Variants in ATXN7L3 observed in about 807,000 individuals in gnomAD.
The protein encoded by ATXN7L3 is ataxin-7-like protein 3.
Under a neutral mutation model 50.0 loss-of-function variants are expected in ATXN7L3, and 6 were observed. The ratio of observed to expected loss-of-function variants is 0.12; its 90% CI spans 0.07 to 0.24. The LOEUF (loss-of-function observed/expected upper bound fraction) is 0.24. Ranked by LOEUF, ATXN7L3 falls within the 10% of genes least tolerant of loss-of-function variation. The pLI, the probability that ATXN7L3 is intolerant of heterozygous loss-of-function variation, is 1.00. For synonymous variants in ATXN7L3, 198 were observed against 165.8 expected (o/e 1.19, Z -1.49); for missense variants, 322 against 451.3 (o/e 0.71, Z 2.60).
chr17:44,195,684 T>C, intron 8 of ATXN7L3, 116 bp downstream of exon 8: 1 of 1,269,522 alleles, frequency 7.9e-7, no homozygotes, highest in South Asian at 1.2e-5. Flanking sequence ...ATATGTAAGA[T>C]CCAAATAGCT....
In ATXN7L3 at chr17:44,194,115, G is replaced by A. The variant is rs1377501539; in HGVS notation, c.*148C>T. ...GCAGAGGACTTTGACACCCCCCAGG[G>A]GCGCATAATCGGATCCTCTGCCTGC... is the stretch of plus-strand genomic sequence containing the variant. On this transcript the variant is annotated 3_prime_UTR_variant, in exon 13 of 13. Coordinates refer to ENST00000587097, the MANE Select transcript of ATXN7L3 (RefSeq NM_001382309.1). 7.7e-6 allele frequency: 8 copies of A among 1,043,502 alleles called. No homozygotes were observed. The highest frequency in any genetic ancestry group is 2.3e-5 in the Admixed American group (1 of 42,742). The allele number at this position is 1,043,502 out of a possible 1,614,324, so 64.6% of individuals were successfully genotyped here.
Position 44,193,872 on chromosome 17 carries a change from C to T in ATXN7L3, c.*391G>A, listed in dbSNP as rs576240278. On this transcript the variant is annotated 3_prime_UTR_variant, in exon 13 of 13. Transcript: ENST00000587097. Reference sequence around the variant, plus strand: ...CCAGGCTCAGCTTCCAACCCACAGCCTCCCGGGTCGCCACATTGCCCCTCA... The same window carrying T: ...CCAGGCTCAGCTTCCAACCCACAGCTTCCCGGGTCGCCACATTGCCCCTCA... The T allele has an allele frequency of 2.7e-4, 53 of 194,826 alleles. No individual in the cohort carries two copies. Among genetic ancestry groups the T allele is most frequent in the Admixed American group, 6.5e-4 (12 of 18,512 alleles). The allele number at this position is 194,826 out of a possible 1,614,324, so 12.1% of individuals were successfully genotyped here.
At chr17:44,195,210 G>T (rs150938582) in intron 9 of ATXN7L3, 70 bp from the exon 10 acceptor site, 2 of 1,534,494 alleles carry the variant, frequency 1.3e-6, no homozygotes, top group Non-Finnish European at 1.8e-6. Flanking sequence ...GTTTCTTTCT[G>T]TATAAATGCT....
chr17:44,192,082 G>A lies in ATXN7L3; in HGVS notation c.*2181C>T, dbSNP rs917085693. ...TACAGAACCCCCCCACACACACTCA[G>A]ACACAGGATACAGGGTGGACGACAC... On this transcript the variant is annotated 3_prime_UTR_variant, in exon 13 of 13. Coordinates refer to ENST00000587097, the MANE Select transcript of ATXN7L3 (RefSeq NM_001382309.1). 1 of 152,580 alleles carries A rather than the reference G, an allele frequency of 6.6e-6. No individual in the cohort carries two copies. Among genetic ancestry groups the A allele is most frequent in the African/African-American group, 2.4e-5 (1 of 41,422 alleles). 9.5% of individuals were successfully genotyped at this position (152,580 alleles called of 1,614,324 possible). A position where few individuals can be genotyped will look rare whatever the true frequency, so the allele number is the denominator to read the frequency against.
intron 2 of ATXN7L3, 45 bp downstream of exon 2, chr17:44,197,975 G>A (rs780877048): frequency 1.6e-5 from 25 of 1,594,756 alleles, no homozygotes; most frequent in African/African-American, 1.1e-4. Flanking sequence ...GCGACGTAGA[G>A]ACATCAAGAG....
intron 3 of ATXN7L3, 54 bp from the exon 4 acceptor site, chr17:44,197,453 C>T (rs2055951076): frequency 6.4e-7 from 1 of 1,571,506 alleles, no homozygotes; most frequent in African/African-American, 1.3e-5. Context: ...TCCTCTTGTT[C>T]CCACCTGGGG....
intron 1 of ATXN7L3, 89 bp from the exon 2 acceptor site, chr17:44,198,219 C>G: frequency 1.4e-6 from 1 of 720,874 alleles, no homozygotes. Flanking sequence ...GCCCAAAGCT[C>G]AGTCCTGGCA....
At chr17:44,195,293 T>C (rs2055842409) in intron 9 of ATXN7L3, 126 bp downstream of exon 9, 2 of 1,367,476 alleles carry the variant, frequency 1.5e-6, no homozygotes, top group Admixed American at 3.4e-5. Flanking sequence ...CCGGGAAACC[T>C]AATTCCAGAC....
chr17:44,194,343 A>G lies in ATXN7L3; in HGVS notation c.964T>C (p.Ser322Pro). The G allele has an allele frequency of 6.2e-7, 1 of 1,614,178 alleles. No homozygotes were observed. The highest frequency in any genetic ancestry group is 8.5e-7 in the Non-Finnish European group (1 of 1,180,028). ...TTCTTCTTGTTGGAACCTAGGCCGG[A>G]GGCAGTCCCTACCAGGCTCAGATGG... is the stretch of plus-strand genomic sequence containing the variant. Reference protein sequence around the residue: ...KSHLSLVGTASGLGSNKKKKP... With the variant: ...KSHLSLVGTAPGLGSNKKKKP... The change falls in exon 13 of 13, where the codon TCC becomes CCC. Residue 322 changes from serine to proline, a missense_variant. Around this residue, in one of 5 missense-constraint regions of ATXN7L3, gnomAD observed 122 missense variants for 130.8 expected, o/e 0.93. Transcript: ENST00000587097.
intron 9 of ATXN7L3, 39 bp from the exon 10 acceptor site, chr17:44,195,179 A>AACCT (rs2055838116): frequency 6.3e-7 from 1 of 1,592,754 alleles, no homozygotes; most frequent in Non-Finnish European, 8.6e-7. Context: ...GGATGGAAGG[A>AACCT]ACCTACTCTA....
chr17:44,197,554 C>T (rs1237059742), intron 3 of ATXN7L3, 44 bp downstream of exon 3: 6 of 1,613,308 alleles, frequency 3.7e-6, no homozygotes, highest in South Asian at 3.3e-5. Context: ...TCCAGGCAGT[C>T]CCAGGGAAGG....
chr17:44,196,956 C>A lies in ATXN7L3; in HGVS notation c.427G>T (p.Asp143Tyr). 1.9e-6 allele frequency: 3 copies of A among 1,613,562 alleles called. No homozygotes were observed. In the South Asian group the frequency reaches 3.3e-5, roughly 18 times the overall value. The change falls in exon 5 of 13, where the codon GAC becomes TAC. Residue 143 changes from aspartate to tyrosine, a missense_variant. Physicochemically the swap from Asp to Tyr is radical, Grantham distance 160 (BLOSUM62 -3). Around this residue, in one of 5 missense-constraint regions of ATXN7L3, gnomAD observed 95 missense variants for 98.1 expected, o/e 0.97. Coordinates refer to ENST00000587097, the MANE Select transcript of ATXN7L3 (RefSeq NM_001382309.1). ...QEDNDDINDNDWSYGSEKKAK... is the reference protein window; with the variant it reads ...QEDNDDINDNYWSYGSEKKAK... ...TTCTTCTCCGAGCCATAGGACCAGT[C>A]GTTGTCATTGATGTCATCATTATCT...
intron 4 of ATXN7L3, 89 bp from the exon 5 acceptor site, chr17:44,197,115 G>C: frequency 1.9e-6 from 3 of 1,550,440 alleles, no homozygotes; most frequent in Non-Finnish European, 2.7e-6. Flanking sequence ...AACTTCAGAA[G>C]CAGGTGGAGC....
intron 7 of ATXN7L3, 83 bp from the exon 8 acceptor site, chr17:44,195,911 G>T: frequency 6.4e-7 from 1 of 1,569,856 alleles, no homozygotes; most frequent in Non-Finnish European, 8.7e-7. Context: ...GAGGAAGTGG[G>T]GGTGACAGAA....
In ATXN7L3 at chr17:44,194,109, C is replaced by A; in HGVS notation, c.*154G>T. ...TCCATTGCAGAGGACTTTGACACCCCCCAGGGGCGCATAATCGGATCCTCT... is the reference window on the plus strand; with the variant it reads ...TCCATTGCAGAGGACTTTGACACCCACCAGGGGCGCATAATCGGATCCTCT... On this transcript the variant is annotated 3_prime_UTR_variant, in exon 13 of 13. Coordinates refer to ENST00000587097, the MANE Select transcript of ATXN7L3 (RefSeq NM_001382309.1). 4 of 1,003,332 alleles carry A rather than the reference C, an allele frequency of 4.0e-6. No homozygotes were observed. Among genetic ancestry groups the A allele is most frequent in the Middle Eastern group, 3.2e-4 (1 of 3,114 alleles). The allele number at this position is 1,003,332 out of a possible 1,614,324, so 62.2% of individuals were successfully genotyped here.
chr17:44,197,811 G>GC, intron 2 of ATXN7L3, 81 bp from the exon 3 acceptor site: 1 of 1,590,510 alleles, frequency 6.3e-7, no homozygotes. Flanking sequence ...CTGCCAACTG[G>GC]CCCCAGCCAA....
In ATXN7L3 at chr17:44,196,006, G is replaced by A. The variant is rs781023414; in HGVS notation, c.523+28C>T. On this transcript the variant is annotated intron_variant, in intron 7 of 12. Coordinates refer to ENST00000587097, the MANE Select transcript of ATXN7L3 (RefSeq NM_001382309.1). ...TGAGTCCCAGAAGACACAGCTAGAAGCATTCCCATTGCTCCGGCTCCACTT... is the reference window on the plus strand; with the variant it reads ...TGAGTCCCAGAAGACACAGCTAGAAACATTCCCATTGCTCCGGCTCCACTT... 3.1e-6 allele frequency: 5 copies of A among 1,597,418 alleles called. No homozygotes were observed. The Admixed American group carries it at 8.3e-5, about 27-fold the overall frequency.
At chr17:44,196,218 A>T in intron 6 of ATXN7L3, 139 bp from the exon 7 acceptor site, 1 of 1,112,710 alleles carries the variant, frequency 9.0e-7, no homozygotes, top group Non-Finnish European at 1.3e-6. Flanking sequence ...CTGTCTACCC[A>T]TGTGCCCTCC....
At chr17:44,197,561 A>T (rs1486296108) in intron 3 of ATXN7L3, 37 bp downstream of exon 3, 9 of 1,613,728 alleles carry the variant, frequency 5.6e-6, no homozygotes, top group Non-Finnish European at 7.6e-6. Context: ...AGTCCCAGGG[A>T]AGGGCTGGAC....
Sources: gnomAD v4.1 joint callset for allele counts on GRCh38, gnomAD v4.1.1 for gene constraint, gnomAD v4.1.1 regional missense constraint, MANE v1.5 for transcripts, NCBI Gene and HGNC (gene_info 2026-07-23, HGNC 2026-07-21) for gene names.